The following SYT1 variants were observed in gnomAD, a reference collection of about 807,000 sequenced individuals.
SYT1 encodes synaptotagmin 1.
Under a neutral mutation model 44.8 loss-of-function variants are expected in SYT1, and 8 were observed. That is an observed-to-expected ratio of 0.18 (90% confidence interval 0.10 to 0.32). SYT1 has a LOEUF of 0.32. SYT1 is among the 10% of genes least tolerant of loss of function. The pLI is 1.00. For missense variants in SYT1, 286 were observed against 509.3 expected, an observed-to-expected ratio of 0.56 and a Z score of 4.22; for synonymous variants, 154 against 188.8, an observed-to-expected ratio of 0.82 and a Z score of 1.51.
At chr12:79,210,734 A>G (rs1874392413) in intron 3 of SYT1, among the ~76,000 whole-genome samples, 1 of 152,146 alleles carries the variant, frequency 6.6e-6, no homozygotes, top group African/African-American at 2.4e-5. Flanking sequence ...TTTTTCATAT[A>G]ATGACTTATT....
rs945352371 is a variant in SYT1 at position 79,245,488 on chromosome 12, A to G, written c.166+27803A>G. ...ACTCCGTCAACAAAAAAAAAAAAAA[A>G]AGAAAAGAAAAAAGAAAAAAAAAAC... On this transcript the variant is annotated intron_variant, in intron 4 of 10. Coordinates refer to ENST00000261205, the MANE Select transcript of SYT1 (RefSeq NM_005639.3). Among the ~76,000 whole-genome samples the G allele has an allele frequency of 2.5e-3, 361 of 147,232 alleles. 6 individuals are homozygous for G. The highest frequency in any genetic ancestry group is 0.01 in the Middle Eastern group (3 of 288).
intron 9 of SYT1, among the ~76,000 whole-genome samples, chr12:79,400,091 A>G (rs964383645): frequency 6.6e-6 from 1 of 152,150 alleles, no homozygotes; most frequent in Admixed American, 6.5e-5. Flanking sequence ...CTATTCTTGG[A>G]ACTTCACTTT....
chr12:78,947,181 G>A (rs1187385384), intron 1 of SYT1, among the ~76,000 whole-genome samples: 1 of 152,120 alleles, frequency 6.6e-6, no homozygotes, highest in Non-Finnish European at 1.5e-5. Flanking sequence ...GTTGCTTCCT[G>A]TTCTCACAGA....
chr12:79,283,522 C>G (rs1168147234), intron 4 of SYT1, among the ~76,000 whole-genome samples: 13 of 152,094 alleles, frequency 8.5e-5, no homozygotes, highest in African/African-American at 3.1e-4. Flanking sequence ...ATGTAGCTCT[C>G]TGAGCGACTA....
At chr12:79,257,884 C>A (rs1877617965) in intron 4 of SYT1, among the ~76,000 whole-genome samples, 1 of 152,000 alleles carries the variant, frequency 6.6e-6, no homozygotes, top group Non-Finnish European at 1.5e-5. Flanking sequence ...ATGGCCTTGG[C>A]GGTGAAAATT....
intron 3 of SYT1, among the ~76,000 whole-genome samples, chr12:79,211,513 A>G (rs1481879686): frequency 6.6e-6 from 1 of 151,992 alleles, no homozygotes; most frequent in Non-Finnish European, 1.5e-5. Flanking sequence ...ATATGTATAC[A>G]TGTGCCATGC....
intron 3 of SYT1, among the ~76,000 whole-genome samples, chr12:79,192,274 G>T (rs1873178033): frequency 6.6e-6 from 1 of 152,124 alleles, no homozygotes; most frequent in Admixed American, 6.6e-5. Context: ...AAAATAAAAG[G>T]ATGCAGAGTA....
chr12:78,956,276 A>G (rs903268219), intron 1 of SYT1, among the ~76,000 whole-genome samples: 14 of 152,124 alleles, frequency 9.2e-5, no homozygotes, highest in African/African-American at 2.9e-4. Flanking sequence ...AACATAAGAT[A>G]TTAATATAAA....
At chr12:79,324,242 G>C (rs765540297) in intron 8 of SYT1, among the ~76,000 whole-genome samples, 2 of 152,056 alleles carry the variant, frequency 1.3e-5, no homozygotes, top group Non-Finnish European at 2.9e-5. Flanking sequence ...GAGCCACCGC[G>C]CCTGGCCTGT....
At chr12:79,082,421 T>C (rs188353797) in intron 3 of SYT1, among the ~76,000 whole-genome samples, 2 of 152,268 alleles carry the variant, frequency 1.3e-5, no homozygotes, top group African/African-American at 4.8e-5. Flanking sequence ...GTGCACCTAC[T>C]ATATCCCAGG....
intron 3 of SYT1, among the ~76,000 whole-genome samples, chr12:79,166,397 A>T (rs1347388908): frequency 6.6e-6 from 1 of 152,010 alleles, no homozygotes; most frequent in Non-Finnish European, 1.5e-5. Context: ...AGCTGACAAT[A>T]ATATTGGTCT....
At chr12:79,368,438 G>T (rs1883642976) in intron 9 of SYT1, among the ~76,000 whole-genome samples, 2 of 151,706 alleles carry the variant, frequency 1.3e-5, no homozygotes, top group South Asian at 4.2e-4. Context: ...GGGTCAAATG[G>T]TATTTCTAGT....
chr12:78,998,144 C>A (rs1423426674), intron 2 of SYT1, among the ~76,000 whole-genome samples: 2 of 152,176 alleles, frequency 1.3e-5, no homozygotes, highest in Non-Finnish European at 1.5e-5. Context: ...CTCTTGCTTT[C>A]TTCATAGTTT....
chr12:79,415,787 A>G (rs1388929426), intron 9 of SYT1, among the ~76,000 whole-genome samples: 1 of 152,210 alleles, frequency 6.6e-6, no homozygotes, highest in African/African-American at 2.4e-5. Flanking sequence ...TGCCAAAATT[A>G]AGCCAATTTT....
At chr12:78,886,491 T>C (rs1481307728) in intron 1 of SYT1, among the ~76,000 whole-genome samples, 2 of 152,020 alleles carry the variant, frequency 1.3e-5, no homozygotes, top group East Asian at 3.9e-4. Flanking sequence ...TTCTTTGAAA[T>C]TAATCATCAC....
intron 9 of SYT1, 116 bp downstream of exon 9, chr12:79,353,735 T>G (rs1204579986): frequency 2.5e-6 from 2 of 792,326 alleles, no homozygotes; most frequent in Non-Finnish European, 4.4e-6. Flanking sequence ...CTCTTTCCTA[T>G]GGAGCCTGGA....
intron 3 of SYT1, among the ~76,000 whole-genome samples, chr12:79,131,552 G>A (rs889448398): frequency 6.6e-6 from 1 of 152,140 alleles, no homozygotes; most frequent in Non-Finnish European, 1.5e-5. Flanking sequence ...TTGGGTCTCT[G>A]AAATGCTTGA....
intron 2 of SYT1, among the ~76,000 whole-genome samples, chr12:79,002,905 G>A (rs952312358): frequency 6.6e-6 from 1 of 151,922 alleles, no homozygotes; most frequent in African/African-American, 2.4e-5. Flanking sequence ...ATGAGTACAA[G>A]GATCTTTTAT....
At chr12:79,213,825 T>C (rs937061349) in intron 3 of SYT1, among the ~76,000 whole-genome samples, 1 of 152,180 alleles carries the variant, frequency 6.6e-6, no homozygotes, top group East Asian at 1.9e-4. Flanking sequence ...CTCAGGAGGC[T>C]GAGGCAGAAT....
Sources: allele counts gnomAD v4.1 joint callset (sites outside exome capture counted in the v4.1 genomes callset), GRCh38; gene constraint gnomAD v4.1.1; transcripts MANE v1.5; gene names NCBI Gene and HGNC (gene_info 2026-07-23, HGNC 2026-07-21).